The following ASIC2 variants were observed in gnomAD, a reference collection of about 807,000 sequenced individuals.
ASIC2 encodes acid sensing ion channel subunit 2.
In ASIC2, 25 loss-of-function variants were observed where a neutral mutation model predicts 57.3. That is an observed-to-expected ratio of 0.44 (90% CI 0.32 to 0.61). The LOEUF is 0.61. ASIC2 is among the 20% of genes least tolerant of loss of function. ASIC2 has a pLI of 0.06. For missense variants in ASIC2, 641 were observed against 738.1 expected, an observed-to-expected ratio of 0.87 and a Z score of 1.52; for synonymous variants, 319 against 307.5, an observed-to-expected ratio of 1.04 and a Z score of -0.39.
At chr17:33,122,411 ATAT>A (rs946829061) in intron 1 of ASIC2, among the ~76,000 whole-genome samples, 4 of 152,118 alleles carry the variant, frequency 2.6e-5, no homozygotes, top group African/African-American at 9.7e-5. Context: ...CTAGCTAATA[ATAT>A]TATTATTAAT....
At chr17:33,118,744 AG>A (rs1459554207) in intron 1 of ASIC2, among the ~76,000 whole-genome samples, 1 of 152,148 alleles carries the variant, frequency 6.6e-6, no homozygotes, top group Non-Finnish European at 1.5e-5. Flanking sequence ...CTGGAGGGAG[AG>A]TAGAGATCTG....
chr17:33,155,734 A>G (rs886629225), intron 1 of ASIC2, among the ~76,000 whole-genome samples: 8 of 150,866 alleles, frequency 5.3e-5, no homozygotes, highest in Admixed American at 1.3e-4. Flanking sequence ...TAATTTTTGT[A>G]TTTTTAGTAG....
intron 1 of ASIC2, among the ~76,000 whole-genome samples, chr17:33,468,442 G>A (rs1912932224): frequency 6.6e-6 from 1 of 152,074 alleles, no homozygotes; most frequent in South Asian, 2.1e-4. Context: ...AAAACATTTT[G>A]TTTTGGTTCC....
In ASIC2 at chr17:33,631,661, G is replaced by A. The variant is rs147854558; in HGVS notation, c.556-519594C>T. On this transcript the variant is annotated intron_variant, in intron 1 of 9. Coordinates refer to the ASIC2 transcript ENST00000359872. ...GACAAAGACAGAAGTTAAAGGCATT[G>A]GGGGTGGTATAGCATCCATAGGTGG... 8.0e-4 allele frequency among the ~76,000 whole-genome samples: 122 copies of A among 152,262 alleles called. 1 individual carries two copies. In the East Asian group the frequency reaches 0.018, roughly 23 times the overall value.
intron 1 of ASIC2, among the ~76,000 whole-genome samples, chr17:33,138,068 C>T (rs1251252247): frequency 6.6e-6 from 1 of 152,078 alleles, no homozygotes; most frequent in Non-Finnish European, 1.5e-5. Flanking sequence ...CAGAGGAATC[C>T]AGCAGTTTGG....
intron 1 of ASIC2, among the ~76,000 whole-genome samples, chr17:34,121,049 G>A (rs1285726039): frequency 4.6e-5 from 7 of 151,988 alleles, no homozygotes; most frequent in Non-Finnish European, 1.0e-4. Flanking sequence ...CAGTACTGGT[G>A]TCCTCCTAAT....
chr17:33,801,303 G>A (rs974630041), intron 1 of ASIC2, among the ~76,000 whole-genome samples: 36 of 152,168 alleles, frequency 2.4e-4, no homozygotes, highest in Middle Eastern at 3.2e-3. Flanking sequence ...AGGAGAGCCC[G>A]CTGGGACTAA....
chr17:34,016,391 T>C (rs116190893), intron 1 of ASIC2, among the ~76,000 whole-genome samples: 1,813 of 120,886 alleles, frequency 0.015, 35 homozygotes, highest in African/African-American at 0.057. Flanking sequence ...GCCACTACAA[T>C]CCAGCCTGGA....
intron 1 of ASIC2, among the ~76,000 whole-genome samples, chr17:34,014,307 G>C (rs189401781): frequency 1.3e-5 from 2 of 152,266 alleles, no homozygotes; most frequent in African/African-American, 4.8e-5. Context: ...ATGTGGCAAG[G>C]CTCCAGATGT....
chr17:33,411,777 C>A (rs543105608), intron 1 of ASIC2, among the ~76,000 whole-genome samples: 1 of 152,182 alleles, frequency 6.6e-6, no homozygotes, highest in Non-Finnish European at 1.5e-5. Flanking sequence ...AGCGAGGTAT[C>A]TTTGGCCAGA....
chr17:33,836,104 C>T (rs539147155), intron 1 of ASIC2, among the ~76,000 whole-genome samples: 8 of 146,214 alleles, frequency 5.5e-5, no homozygotes, highest in African/African-American at 1.8e-4. Context: ...ATCTCATTTA[C>T]CCCTCATACA....
intron 1 of ASIC2, among the ~76,000 whole-genome samples, chr17:33,171,985 G>T (rs998727656): frequency 3.3e-5 from 5 of 152,048 alleles, no homozygotes; most frequent in Non-Finnish European, 7.4e-5. Context: ...TATTACTGTG[G>T]CCCTCTCCCT....
In ASIC2 at chr17:33,404,997, A is replaced by AT. The variant is rs759387273; in HGVS notation, c.556-292931dup. 3.1e-3 allele frequency among the ~76,000 whole-genome samples: 447 copies of AT among 142,268 alleles called. 2 individuals are homozygous for AT. The highest frequency in any genetic ancestry group is 7.2e-3 in the Middle Eastern group (2 of 276). 93.3% of individuals were successfully genotyped at this position (142,268 alleles called of 152,430 possible). ...GGGAGCTACTGAACCCAGGTGGCTT[A>AT]TTTTTTTTTTTTTCTTTTTTGTCTT... On this transcript the variant is annotated intron_variant, in intron 1 of 9. Coordinates refer to the ASIC2 transcript ENST00000359872.
rs143733111 is a variant in ASIC2 at position 33,149,496 on chromosome 17, G to T, written c.709-37429C>A. ...TATTCTTTCATCATTGAGTGAAGAG[G>T]CTACGTCAGATTTGCAGCTGCCTCT... On this transcript the variant is annotated intron_variant, in intron 1 of 9. Transcript: ENST00000225823. Among the ~76,000 whole-genome samples the T allele has an allele frequency of 5.5e-3, 835 of 152,292 alleles. 4 individuals carry two copies. The highest frequency in any genetic ancestry group is 0.019 in the African/African-American group (782 of 41,554).
chr17:33,327,779 C>T (rs577463307), intron 1 of ASIC2, among the ~76,000 whole-genome samples: 39 of 152,240 alleles, frequency 2.6e-4, no homozygotes, highest in African/African-American at 8.7e-4. Context: ...CCAGTAGCTG[C>T]GAATGTGACC....
intron 1 of ASIC2, among the ~76,000 whole-genome samples, chr17:34,124,111 T>C (rs1227583822): frequency 6.6e-6 from 1 of 152,116 alleles, no homozygotes; most frequent in East Asian, 1.9e-4. Context: ...TATTAAATTA[T>C]ATAATCTTCA....
intron 1 of ASIC2, among the ~76,000 whole-genome samples, chr17:33,974,022 G>A (rs1211162930): frequency 6.6e-6 from 1 of 152,092 alleles, no homozygotes; most frequent in Admixed American, 6.5e-5. Context: ...AAAATTTCCT[G>A]CCTTTTTCCG....
chr17:33,640,800 G>T (rs752680070), intron 1 of ASIC2, among the ~76,000 whole-genome samples: 1 of 152,184 alleles, frequency 6.6e-6, no homozygotes, highest in African/African-American at 2.4e-5. Context: ...TATTGCTGAG[G>T]CTGAGCCCTG....
At chr17:33,917,251 A>T (rs987565311) in intron 1 of ASIC2, among the ~76,000 whole-genome samples, 32 of 152,146 alleles carry the variant, frequency 2.1e-4, no homozygotes, top group Non-Finnish European at 2.9e-5. Context: ...AATGTGCCAG[A>T]CATCATGCTC....
Sources: allele counts gnomAD v4.1 joint callset (sites outside exome capture counted in the v4.1 genomes callset), GRCh38; gene constraint gnomAD v4.1.1; transcripts MANE v1.5; gene names NCBI Gene and HGNC (gene_info 2026-07-23, HGNC 2026-07-21).